The following MXRA7 variants were observed in gnomAD, a reference collection of about 807,000 sequenced individuals.
MXRA7 encodes matrix remodeling associated 7, also known as matrix-remodeling-associated protein 7.
A neutral mutation model predicts 17.4 loss-of-function variants in MXRA7; 18 were observed. The observed-to-expected ratio is 1.03, with a 90% CI of 0.71 to 1.53. The LOEUF is 1.53. Among genes scored for constraint, MXRA7 ranks in the 40% most tolerant of loss-of-function variants. The pLI is 0.00. For missense variants in MXRA7, 141 were observed against 209.3 expected (o/e 0.67, Z 2.01); for synonymous variants, 70 against 101.7 (o/e 0.69, Z 1.87).
chr17:76,678,911 C>T (rs1390343348), downstream of MXRA7, among the ~76,000 whole-genome samples: 1 of 152,216 alleles, frequency 6.6e-6, no homozygotes, highest in Non-Finnish European at 1.5e-5. Flanking sequence ...ACTTCCCAGC[C>T]TCCCTTGTCC....
Position 76,710,740 on chromosome 17 carries a change from C to A in MXRA7, c.207G>T (p.Ala69=). 8.9e-7 allele frequency: 1 copy of A among 1,120,620 alleles called. No individual in the cohort carries two copies. Among genetic ancestry groups the A allele is most frequent in the Non-Finnish European group, 1.1e-6 (1 of 907,688 alleles). 69.4% of individuals were successfully genotyped at this position (1,120,620 alleles called of 1,614,324 possible). Residue 69 remains alanine (A), a synonymous_variant, in exon 1 of 4, where the codon GCG becomes GCT. Coordinates refer to ENST00000449428, the MANE Select transcript of MXRA7 (RefSeq NM_198530.4). The part of the protein sequence containing the change: ...PCAPEPAASP[A]GPEEPGEPAG... Reference sequence around the variant, plus strand: ...CGGGCTCTCCAGGCTCCTCCGGCCCCGCGGGCGAGGCCGCCGGCTCGGGGG... The same window carrying A: ...CGGGCTCTCCAGGCTCCTCCGGCCCAGCGGGCGAGGCCGCCGGCTCGGGGG...
intron 1 of MXRA7, among the ~76,000 whole-genome samples, chr17:76,702,576 G>A (rs1274133176): frequency 5.9e-5 from 9 of 152,170 alleles, no homozygotes; most frequent in Non-Finnish European, 8.8e-5. Flanking sequence ...AGGGCCGGGC[G>A]CAGTGGCTTA....
rs1217518312 is a variant in MXRA7 at position 76,698,651 on chromosome 17, C to T, written c.343-10475G>A. ...GTCCAGTTTTTCTTGGCAGCCACAG[C>T]ATCTCTGACACCTTAACATGGCCTG... On this transcript the variant is annotated intron_variant, in intron 1 of 3. Coordinates refer to ENST00000449428, the MANE Select transcript of MXRA7 (RefSeq NM_198530.4). Among the ~76,000 whole-genome samples, 7 of 151,644 alleles carry T rather than the reference C, an allele frequency of 4.6e-5. No individual in the cohort carries two copies. In the East Asian group the frequency reaches 1.4e-3, roughly 29 times the overall value.
At chr17:76,691,781 A>T (rs1475205947) in intron 1 of MXRA7, among the ~76,000 whole-genome samples, 1 of 152,198 alleles carries the variant, frequency 6.6e-6, no homozygotes, top group African/African-American at 2.4e-5. Context: ...TCACTGACCT[A>T]TTCAGGGCAC....
chr17:76,690,634 A>G (rs1888193188), intron 1 of MXRA7, among the ~76,000 whole-genome samples: 1 of 152,054 alleles, frequency 6.6e-6, no homozygotes, highest in Non-Finnish European at 1.5e-5. Context: ...CACTTGGAAA[A>G]AAAAAAGTAG....
intron 1 of MXRA7, among the ~76,000 whole-genome samples, chr17:76,706,197 G>GAGGCCCACGCTGCCGTCACAA (rs2076654497): frequency 9.5e-6 from 1 of 104,950 alleles, no homozygotes; most frequent in African/African-American, 5.7e-5. Flanking sequence ...TGCCATCACA[G>GAGGCCCACGCTGCCGTCACAA]AGGCCCACGC....
intron 3 of MXRA7, among the ~76,000 whole-genome samples, chr17:76,684,405 C>T (rs995810420): frequency 6.6e-6 from 1 of 152,160 alleles, no homozygotes; most frequent in Non-Finnish European, 1.5e-5. Context: ...CAGGAGCCTG[C>T]TGCGCCTGGT....
intron 2 of MXRA7, among the ~76,000 whole-genome samples, 184 bp downstream of exon 2, chr17:76,687,929 G>C (rs1247859917): frequency 6.6e-6 from 1 of 152,130 alleles, no homozygotes; most frequent in East Asian, 1.9e-4. Flanking sequence ...GTGAGGGAGG[G>C]CTACAGGCAG....
At chr17:76,674,914 G>T (rs1205694366), downstream of MXRA7, 1 of 152,230 alleles carries the variant, frequency 6.6e-6, no homozygotes, top group Non-Finnish European at 1.5e-5. Flanking sequence ...CTGAACTCCT[G>T]CAGCCATCTT....
downstream of MXRA7, chr17:76,677,617 G>A: frequency 6.2e-7 from 1 of 1,612,700 alleles, no homozygotes; most frequent in Non-Finnish European, 8.5e-7. Context: ...AGCTGCTCCT[G>A]CACGTCGCCG....
downstream of MXRA7, chr17:76,677,646 G>A (rs1038906917): frequency 5.0e-6 from 8 of 1,613,742 alleles, no homozygotes; most frequent in Admixed American, 1.7e-5. Context: ...CTCGCCAAAC[G>A]TCTCCTTGTT....
chr17:76,678,578 T>C (rs997968207), downstream of MXRA7, among the ~76,000 whole-genome samples: 22 of 152,208 alleles, frequency 1.4e-4, no homozygotes, highest in African/African-American at 5.3e-4. Context: ...TTCTGGTTTC[T>C]GCAGTTCCTG....
intron 1 of MXRA7, among the ~76,000 whole-genome samples, chr17:76,707,003 A>G (rs1010079045): frequency 1.3e-5 from 2 of 152,118 alleles, no homozygotes; most frequent in Non-Finnish European, 2.9e-5. Context: ...TTCAGCCTGC[A>G]TCTTCCTAAG....
intron 1 of MXRA7, among the ~76,000 whole-genome samples, chr17:76,690,841 G>A (rs1001884272): frequency 1.3e-5 from 2 of 151,960 alleles, no homozygotes; most frequent in African/African-American, 4.8e-5. Flanking sequence ...TGGAATAGCT[G>A]GGATCACAGG....
chr17:76,684,744 C>A, intron 3 of MXRA7: 2 of 387,956 alleles, frequency 5.2e-6, no homozygotes, highest in Non-Finnish European at 4.8e-6. Context: ...CTGCTCCAGG[C>A]TCTTTCCTGG....
intron 1 of MXRA7, chr17:76,690,009 TAAAAA>T (rs142146831): frequency 6.1e-5 from 8 of 130,940 alleles, no homozygotes; most frequent in Non-Finnish European, 1.2e-4. Flanking sequence ...GACTGCATCT[TAAAAA>T]AAGAAAAAAA....
At chr17:76,704,758 G>T (rs1428887448) in intron 1 of MXRA7, among the ~76,000 whole-genome samples, 3 of 142,310 alleles carry the variant, frequency 2.1e-5, no homozygotes, top group African/African-American at 8.0e-5. Context: ...GCACTCCTGG[G>T]CGACAAGAGC....
chr17:76,675,077 A>G (rs1348688531), downstream of MXRA7: 1 of 152,238 alleles, frequency 6.6e-6, no homozygotes, highest in Non-Finnish European at 1.5e-5. Context: ...TGTTTAAGCC[A>G]GTTGAGCTGG....
intron 1 of MXRA7, among the ~76,000 whole-genome samples, chr17:76,702,398 C>T (rs968214451): frequency 1.3e-5 from 2 of 152,170 alleles, no homozygotes; most frequent in Admixed American, 1.3e-4. Context: ...GTCCCAGCTA[C>T]TTAGGAGGCC....
Sources: allele counts gnomAD v4.1 joint callset (sites outside exome capture counted in the v4.1 genomes callset), GRCh38; gene constraint gnomAD v4.1.1; transcripts MANE v1.5; gene names NCBI Gene and HGNC (gene_info 2026-07-23, HGNC 2026-07-21).